The following ZNF536 variants were observed in gnomAD, a reference collection of about 807,000 sequenced individuals.
The protein encoded by ZNF536 is zinc finger protein 536.
Under a neutral mutation model 84.5 loss-of-function variants are expected in ZNF536, and 13 were observed. That is an observed-to-expected ratio of 0.15 (90% CI 0.10 to 0.24). The LOEUF (loss-of-function observed/expected upper bound fraction) is 0.24, where lower values mean the gene tolerates loss of function less well. ZNF536 is among the 10% of genes least tolerant of loss of function. The pLI is 1.00. For synonymous variants in ZNF536, 811 were observed against 742.5 expected (o/e 1.09, Z -1.50); for missense variants, 1,536 against 1,747.5 (o/e 0.88, Z 2.16).
chr19:30,246,602 C>A (rs2024294048), intron 1 of ZNF536, among the ~76,000 whole-genome samples: 1 of 152,186 alleles, frequency 6.6e-6, no homozygotes, highest in East Asian at 1.9e-4. Flanking sequence ...AGAGGTCTGG[C>A]ACTCGAGGGT....
intron 1 of ZNF536, among the ~76,000 whole-genome samples, chr19:30,689,481 T>A (rs1486066640): frequency 6.6e-6 from 1 of 152,220 alleles, no homozygotes; most frequent in Non-Finnish European, 1.5e-5. Context: ...TTCTAAATCA[T>A]TTTGGGAGGG....
chr19:30,485,512 G>C (rs143039784), intron 2 of ZNF536, among the ~76,000 whole-genome samples: 7 of 152,132 alleles, frequency 4.6e-5, no homozygotes, highest in African/African-American at 1.7e-4. Context: ...GATTCTGGAC[G>C]TCTACTTGCT....
intron 1 of ZNF536, among the ~76,000 whole-genome samples, chr19:30,710,006 G>A (rs2052399720): frequency 6.6e-6 from 1 of 152,044 alleles, no homozygotes; most frequent in East Asian, 1.9e-4. Context: ...AATAATAGTA[G>A]TTCATCCCAC....
chr19:30,462,351 G>T (rs145963910), intron 2 of ZNF536, among the ~76,000 whole-genome samples: 1 of 152,002 alleles, frequency 6.6e-6, no homozygotes, highest in East Asian at 1.9e-4. Flanking sequence ...TGCATGTGGG[G>T]ATATGGATAT....
intron 3 of ZNF536, among the ~76,000 whole-genome samples, chr19:30,545,962 C>A (rs1334833999): frequency 6.6e-6 from 1 of 152,250 alleles, no homozygotes; most frequent in Admixed American, 6.5e-5. Context: ...CCTCTGCAGG[C>A]TTTCATCGCC....
At chr19:30,331,237 T>A (rs1348927480) in intron 2 of ZNF536, among the ~76,000 whole-genome samples, 1 of 120,392 alleles carries the variant, frequency 8.3e-6, no homozygotes, top group Non-Finnish European at 1.6e-5. Flanking sequence ...TGAGCTATGA[T>A]CACACCACTG....
At chr19:30,630,724 G>A (rs538159451) in intron 1 of ZNF536, among the ~76,000 whole-genome samples, 2 of 152,186 alleles carry the variant, frequency 1.3e-5, no homozygotes, top group Non-Finnish European at 2.9e-5. Flanking sequence ...CTGGGTCACT[G>A]TCAGGACTTG....
chr19:30,318,762 C>T (rs2046763556), intron 2 of ZNF536, among the ~76,000 whole-genome samples: 2 of 152,126 alleles, frequency 1.3e-5, no homozygotes, highest in Admixed American at 6.5e-5. Flanking sequence ...AAATTCACTG[C>T]AATGTACCCG....
intron 1 of ZNF536, among the ~76,000 whole-genome samples, chr19:30,388,522 C>T (rs968512530): frequency 5.9e-5 from 9 of 152,120 alleles, no homozygotes; most frequent in African/African-American, 1.2e-4. Context: ...TGGCCATGCC[C>T]GGGGCTTGCC....
chr19:30,566,429 T>C (rs2046348009), intron 1 of ZNF536, among the ~76,000 whole-genome samples: 1 of 152,268 alleles, frequency 6.6e-6, no homozygotes, highest in South Asian at 2.1e-4. Flanking sequence ...CTAAGCTCTG[T>C]ACAGATGAGA....
intron 1 of ZNF536, among the ~76,000 whole-genome samples, chr19:30,683,586 C>T (rs1024065885): frequency 6.6e-6 from 1 of 151,590 alleles, no homozygotes; most frequent in African/African-American, 2.4e-5. Context: ...CTGATGGTTT[C>T]TGCCTGCCTT....
At chr19:30,322,788 C>A (rs1249142148) in intron 2 of ZNF536, among the ~76,000 whole-genome samples, 1 of 152,094 alleles carries the variant, frequency 6.6e-6, no homozygotes, top group Admixed American at 6.5e-5. Flanking sequence ...CCCTTACTCT[C>A]ACTCCTAGTG....
chr19:30,291,747 T>C (rs1469906281), intron 2 of ZNF536, among the ~76,000 whole-genome samples: 1 of 152,230 alleles, frequency 6.6e-6, no homozygotes, highest in African/African-American at 2.4e-5. Context: ...CCAGCACTTG[T>C]TTTTTCCATT....
At chr19:30,353,205 G>A (rs557141636) in intron 3 of ZNF536, among the ~76,000 whole-genome samples, 16 of 152,054 alleles carry the variant, frequency 1.1e-4, no homozygotes, top group Admixed American at 2.6e-4. Context: ...GCCGGGTTCC[G>A]GTATTAAGAA....
intron 2 of ZNF536, among the ~76,000 whole-genome samples, chr19:30,339,399 C>T (rs865832859): frequency 2.6e-5 from 4 of 152,174 alleles, no homozygotes; most frequent in Admixed American, 6.5e-5. Context: ...TGACCCCACC[C>T]GAGGAGCCTC....
At chr19:30,636,882 C>T (rs1433634629) in intron 1 of ZNF536, among the ~76,000 whole-genome samples, 1 of 152,134 alleles carries the variant, frequency 6.6e-6, no homozygotes, top group African/African-American at 2.4e-5. Context: ...TTCTGGCTAC[C>T]CTGGTTTCGA....
intron 1 of ZNF536, among the ~76,000 whole-genome samples, chr19:30,231,023 T>C (rs2023001313): frequency 6.6e-6 from 1 of 152,152 alleles, no homozygotes; most frequent in African/African-American, 2.4e-5. Context: ...AGCAAATAGA[T>C]TTATTTTTCC....
At chr19:30,572,588 T>C (rs1398810149) in intron 1 of ZNF536, among the ~76,000 whole-genome samples, 2 of 152,236 alleles carry the variant, frequency 1.3e-5, no homozygotes, top group African/African-American at 4.8e-5. Context: ...CTTGTCCATG[T>C]ACTTTAGCAC....
chr19:30,534,115 C>T (rs568234878), intron 2 of ZNF536, among the ~76,000 whole-genome samples: 13 of 152,284 alleles, frequency 8.5e-5, no homozygotes, highest in African/African-American at 2.2e-4. Flanking sequence ...AAATTTGTAT[C>T]GATACTTGAC....
Sources: allele counts gnomAD v4.1 joint callset (sites outside exome capture counted in the v4.1 genomes callset), GRCh38; gene constraint gnomAD v4.1.1; transcripts MANE v1.5; gene names NCBI Gene and HGNC (gene_info 2026-07-23, HGNC 2026-07-21).